Variants in ATXN1 observed in about 807,000 individuals in gnomAD.
The protein encoded by ATXN1 is ataxin-1.
ATXN1 carries 8 observed loss-of-function variants against 56.4 expected under a neutral mutation model. The observed-to-expected ratio is 0.14, with a 90% CI of 0.08 to 0.26. ATXN1 has a LOEUF of 0.26. Among genes scored for constraint, ATXN1 ranks in the 10% least tolerant of loss-of-function variants. ATXN1 has a pLI of 1.00. For synonymous variants in ATXN1, 514 were observed against 494.6 expected, an observed-to-expected ratio of 1.04 and a Z score of -0.52; for missense variants, 987 against 1,106.5, an observed-to-expected ratio of 0.89 and a Z score of 1.53.
At chr6:16,557,154 G>A (rs894358765) in intron 4 of ATXN1, among the ~76,000 whole-genome samples, 3 of 151,770 alleles carry the variant, frequency 2.0e-5, no homozygotes, top group South Asian at 2.1e-4. Context: ...GTAAAACGCC[G>A]TCTCTACTAA....
At chr6:16,331,626 A>G (rs1380299174) in intron 6 of ATXN1, among the ~76,000 whole-genome samples, 1 of 152,252 alleles carries the variant, frequency 6.6e-6, no homozygotes, top group Non-Finnish European at 1.5e-5. Flanking sequence ...AGGCCCAGCC[A>G]GTAAGGGAAT....
intron 2 of ATXN1, among the ~76,000 whole-genome samples, chr6:16,729,830 C>T (rs1054428660): frequency 1.3e-5 from 2 of 152,318 alleles, no homozygotes; most frequent in South Asian, 4.1e-4. Context: ...GAAAATGGCC[C>T]TCTGAACATC....
At chr6:16,320,570 A>G (rs1760624341) in intron 7 of ATXN1, among the ~76,000 whole-genome samples, 1 of 152,258 alleles carries the variant, frequency 6.6e-6, no homozygotes, top group Non-Finnish European at 1.5e-5. Context: ...GTGAGACAGA[A>G]GGATGGGATA....
chr6:16,463,891 G>A (rs1049471889), intron 6 of ATXN1, among the ~76,000 whole-genome samples: 9 of 152,158 alleles, frequency 5.9e-5, no homozygotes, highest in Non-Finnish European at 1.2e-4. Flanking sequence ...TCAAGCTACA[G>A]ATGGTCTTAC....
chr6:16,651,283 G>A (rs920444470), intron 3 of ATXN1, among the ~76,000 whole-genome samples: 10 of 152,154 alleles, frequency 6.6e-5, no homozygotes, highest in South Asian at 2.1e-4. Flanking sequence ...AGTGGCTCAC[G>A]CCTGTAATCC....
At chr6:16,381,555 T>C (rs574442178) in intron 6 of ATXN1, among the ~76,000 whole-genome samples, 2 of 152,236 alleles carry the variant, frequency 1.3e-5, no homozygotes, top group Non-Finnish European at 2.9e-5. Context: ...TACAGGCATA[T>C]AATGCCGTTT....
intron 2 of ATXN1, among the ~76,000 whole-genome samples, chr6:16,660,832 G>GTTT (rs754718969): frequency 0.032 from 2,997 of 92,904 alleles, 152 homozygotes; most frequent in African/African-American, 0.093. Flanking sequence ...TTTTGTTTTG[G>GTTT]TTTTTTTTTT....
chr6:16,627,248 T>C (rs1763422354), intron 3 of ATXN1, among the ~76,000 whole-genome samples: 1 of 152,168 alleles, frequency 6.6e-6, no homozygotes, highest in Non-Finnish European at 1.5e-5. Context: ...GAGCTCTGAG[T>C]TTCAGGTGAC....
intron 2 of ATXN1, among the ~76,000 whole-genome samples, chr6:16,689,301 A>T (rs1758988459): frequency 6.6e-6 from 1 of 151,778 alleles, no homozygotes; most frequent in Admixed American, 6.6e-5. Flanking sequence ...TTAAATTTTT[A>T]TTTTTTATAT....
rs115148803 is a variant in ATXN1, at chr6:16,722,112, A to G, written c.-615+31121T>C. Among the ~76,000 whole-genome samples, 1,117 of 152,318 alleles carry G rather than the reference A, an allele frequency of 7.3e-3. 16 individuals are homozygous for G. Among genetic ancestry groups the G allele is most frequent in the African/African-American group, 0.026 (1,085 of 41,574 alleles). On this transcript the variant is annotated intron_variant, in intron 2 of 7. Coordinates refer to ENST00000436367, the MANE Select transcript of ATXN1 (RefSeq NM_001128164.2). ...CACAATTAGGCACCAACTCAAAGCAATATCATGTTGCAAACTATGCAGCAT... is the reference window on the plus strand; with the variant it reads ...CACAATTAGGCACCAACTCAAAGCAGTATCATGTTGCAAACTATGCAGCAT...
At chr6:16,529,208 G>A (rs7749506) in intron 4 of ATXN1, among the ~76,000 whole-genome samples, 1 of 123,358 alleles carries the variant, frequency 8.1e-6, no homozygotes, top group Admixed American at 8.3e-5. Flanking sequence ...AGGGTTTTTT[G>A]TTTTTTTTTT....
intron 3 of ATXN1, among the ~76,000 whole-genome samples, chr6:16,620,889 A>G (rs931238417): frequency 6.6e-6 from 1 of 152,130 alleles, no homozygotes; most frequent in Admixed American, 6.5e-5. Flanking sequence ...GCAAAGGAGA[A>G]CTCTCTGGGG....
chr6:16,647,267 G>T (rs1315565979), intron 3 of ATXN1, among the ~76,000 whole-genome samples: 3 of 152,158 alleles, frequency 2.0e-5, no homozygotes, highest in African/African-American at 7.2e-5. Context: ...CTCCCAAAGT[G>T]CTGGGATTAC....
intron 6 of ATXN1, among the ~76,000 whole-genome samples, chr6:16,479,898 T>C (rs942359059): frequency 6.6e-5 from 10 of 152,242 alleles, no homozygotes; most frequent in African/African-American, 2.2e-4. Context: ...ATGCCTATAA[T>C]CCCAGCATTT....
intron 6 of ATXN1, among the ~76,000 whole-genome samples, chr6:16,466,934 C>A (rs779855299): frequency 1.6e-4 from 24 of 152,154 alleles, no homozygotes; most frequent in Non-Finnish European, 2.5e-4. Flanking sequence ...TAACGTCTTC[C>A]TCGCTGAGGG....
At chr6:16,744,806 T>C (rs1453674434) in intron 2 of ATXN1, among the ~76,000 whole-genome samples, 1 of 152,138 alleles carries the variant, frequency 6.6e-6, no homozygotes, top group African/African-American at 2.4e-5. Flanking sequence ...TCCTGCCAGG[T>C]TGGCCCTGGG....
intron 2 of ATXN1, among the ~76,000 whole-genome samples, chr6:16,699,556 A>C (rs1759238188): frequency 6.6e-6 from 1 of 152,186 alleles, no homozygotes; most frequent in Non-Finnish European, 1.5e-5. Flanking sequence ...GACTCATCAG[A>C]GTGAGGTCTG....
Position 16,410,887 on chromosome 6 carries a change from G to A in ATXN1, c.-161+75085C>T, listed in dbSNP as rs1758783239. On this transcript the variant is annotated intron_variant, in intron 6 of 7. Coordinates refer to ENST00000436367, the MANE Select transcript of ATXN1 (RefSeq NM_001128164.2). The surrounding 1 kb of genome is among the most constrained non-coding windows in gnomAD (Gnocchi z 4.6). ...CGCCTGTAATCCCAGCTCTTTGGGAGGCCAATGCAGGCGGATCACTTGAGG... is the reference window on the plus strand; with the variant it reads ...CGCCTGTAATCCCAGCTCTTTGGGAAGCCAATGCAGGCGGATCACTTGAGG... 6.6e-6 allele frequency among the ~76,000 whole-genome samples: 1 copy of A among 152,128 alleles called. No homozygotes were observed. The highest frequency in any genetic ancestry group is 2.4e-5 in the African/African-American group (1 of 41,434).
intron 3 of ATXN1, among the ~76,000 whole-genome samples, chr6:16,609,748 A>G (rs1386526065): frequency 6.6e-6 from 1 of 152,244 alleles, no homozygotes; most frequent in Non-Finnish European, 1.5e-5. Context: ...TTAACAAAAC[A>G]AGAAACATCC....
Sources: gnomAD v4.1 joint callset for allele counts (sites outside exome capture counted in the v4.1 genomes callset) on GRCh38, gnomAD v4.1.1 for gene constraint, Gnocchi (gnomAD v3.1) non-coding constraint, MANE v1.5 for transcripts, NCBI Gene and HGNC (gene_info 2026-07-23, HGNC 2026-07-21) for gene names.